LMX1B: variants seen among roughly 807,000 people sequenced by gnomAD.
LMX1B encodes the protein LIM homeobox transcription factor 1-beta.
In LMX1B, 12 loss-of-function variants were observed where a neutral mutation model predicts 51.4. The ratio of observed to expected loss-of-function variants is 0.23; its 90% CI spans 0.15 to 0.38. LMX1B has a LOEUF of 0.38. Ranked by LOEUF, LMX1B falls within the 10% of genes least tolerant of loss-of-function variation. The pLI is 1.00. For synonymous variants in LMX1B, 237 were observed against 235.4 expected, an observed-to-expected ratio of 1.01 and a Z score of -0.06; for missense variants, 445 against 571.1, an observed-to-expected ratio of 0.78 and a Z score of 2.25.
chr9:126,614,118 A>ACCGCCG lies in LMX1B; in HGVS notation c.-323_-318dup, dbSNP rs1168514307. ...CCCGCCTGCCGCCGCCGCCACCGCC[A>ACCGCCG]CCGCCGCCGCCGCCTCCTCCCCGCG... On this transcript the variant is annotated 5_prime_UTR_variant, in exon 1 of 8. Transcript: ENST00000373474. Among the ~76,000 whole-genome samples, 2 of 97,888 alleles carry ACCGCCG rather than the reference A, an allele frequency of 2.0e-5. No individual in the cohort carries two copies. Among genetic ancestry groups the ACCGCCG allele is most frequent in the South Asian group, 3.6e-4 (1 of 2,758 alleles). The allele number at this position is 97,888 out of a possible 152,430, so 64.2% of individuals were successfully genotyped here. A position where few individuals can be genotyped will look rare whatever the true frequency, so the allele number is the denominator to read the frequency against.
intron 2 of LMX1B, among the ~76,000 whole-genome samples, chr9:126,656,383 T>TTAGATAGATAGATAGA (rs3052900): frequency 1.7e-4 from 25 of 143,972 alleles, no homozygotes; most frequent in East Asian, 4.2e-4. Context: ...GATCTGGTCT[T>TTAGATAGATAGATAGA]TAGATAGATA....
At chr9:126,683,316 CG>C (rs955867817) in intron 2 of LMX1B, among the ~76,000 whole-genome samples, 92 of 151,956 alleles carry the variant, frequency 6.1e-4, no homozygotes, top group African/African-American at 2.1e-3. Flanking sequence ...GCCCGGCCCG[CG>C]GCCGCCGCAT....
chr9:126,630,616 G>A (rs983493061), intron 2 of LMX1B, among the ~76,000 whole-genome samples: 1 of 152,184 alleles, frequency 6.6e-6, no homozygotes, highest in Admixed American at 6.5e-5. Flanking sequence ...TCTTTGGGGC[G>A]GTGCCTCTCA....
rs770215617 is a variant in LMX1B, at chr9:126,696,275, C to T, written c.1052-19C>T. 2.0e-5 allele frequency: 33 copies of T among 1,613,398 alleles called. No individual in the cohort carries two copies. The highest frequency in any genetic ancestry group is 2.8e-5 in the Non-Finnish European group (33 of 1,179,500). ...GCCCCAGCCTGTACCCCGGTCCTGA[C>T]ACCCCTTCTGCCCCCCAGGGAACGA... is the stretch of plus-strand genomic sequence containing the variant. On this transcript the variant is annotated intron_variant, in intron 7 of 7. Coordinates refer to ENST00000373474, the MANE Select transcript of LMX1B (RefSeq NM_001174147.2).
chr9:126,624,643 A>C (rs1263981901), intron 2 of LMX1B, among the ~76,000 whole-genome samples: 1 of 145,664 alleles, frequency 6.9e-6, no homozygotes, highest in Non-Finnish European at 1.5e-5. Flanking sequence ...GAGGGCGGCG[A>C]GTGGCAGGTT....
chr9:126,651,144 T>C (rs1564155163), intron 2 of LMX1B, among the ~76,000 whole-genome samples: 1 of 151,722 alleles, frequency 6.6e-6, no homozygotes, highest in African/African-American at 2.4e-5. Context: ...TCTCTCTCTC[T>C]CCCTCCCCAT....
intron 2 of LMX1B, among the ~76,000 whole-genome samples, chr9:126,630,785 G>A (rs1247703484): frequency 3.3e-5 from 5 of 152,260 alleles, no homozygotes; most frequent in Middle Eastern, 3.2e-3. Flanking sequence ...GGGTGGGGCC[G>A]GCCAGGGTCT....
At chr9:126,646,635 A>G (rs1178868685) in intron 2 of LMX1B, among the ~76,000 whole-genome samples, 4 of 152,192 alleles carry the variant, frequency 2.6e-5, no homozygotes, top group Non-Finnish European at 4.4e-5. Flanking sequence ...CCCCTGTAAG[A>G]TGAGCCCCTC....
At chr9:126,687,800 C>T (rs1249724311) in intron 2 of LMX1B, among the ~76,000 whole-genome samples, 2 of 152,182 alleles carry the variant, frequency 1.3e-5, no homozygotes, top group Non-Finnish European at 2.9e-5. Flanking sequence ...CCATGTGATT[C>T]CAATGCCACC....
At chr9:126,629,035 G>C (rs1354466550) in intron 2 of LMX1B, among the ~76,000 whole-genome samples, 1 of 151,694 alleles carries the variant, frequency 6.6e-6, no homozygotes, top group African/African-American at 2.4e-5. Flanking sequence ...ATAGCAGTAT[G>C]TAAGGAAAAT....
intron 2 of LMX1B, among the ~76,000 whole-genome samples, chr9:126,655,943 G>T (rs1363323645): frequency 6.6e-6 from 1 of 152,168 alleles, no homozygotes; most frequent in African/African-American, 2.4e-5. Flanking sequence ...AAGAGGAGGC[G>T]AAGAGTCAGT....
At chr9:126,687,724 C>T (rs1221196522) in intron 2 of LMX1B, among the ~76,000 whole-genome samples, 2 of 152,120 alleles carry the variant, frequency 1.3e-5, no homozygotes, top group Non-Finnish European at 2.9e-5. Flanking sequence ...AGCTGAGGCT[C>T]GAGAAGAAAA....
intron 2 of LMX1B, among the ~76,000 whole-genome samples, chr9:126,666,565 TTG>T (rs1836344528): frequency 8.6e-6 from 1 of 115,812 alleles, no homozygotes; most frequent in African/African-American, 3.4e-5. Context: ...GAAAAACAGG[TTG>T]TTAATAGCAA....
chr9:126,620,467 C>T (rs948563334), intron 2 of LMX1B, among the ~76,000 whole-genome samples: 2 of 152,104 alleles, frequency 1.3e-5, no homozygotes, highest in Admixed American at 6.5e-5. Flanking sequence ...TTCCATTCTC[C>T]GGGGGATCCA....
chr9:126,682,083 CTTTTT>C lies in LMX1B; in HGVS notation c.327-8732_327-8728del, dbSNP rs71377953. Among the ~76,000 whole-genome samples, 100 of 53,378 alleles carry C rather than the reference CTTTTT, an allele frequency of 1.9e-3. 1 individual carries two copies. The highest frequency in any genetic ancestry group is 6.0e-3 in the African/African-American group (70 of 11,758). The allele number at this position is 53,378 out of a possible 152,430, so 35.0% of individuals were successfully genotyped here. A position where few individuals can be genotyped will look rare whatever the true frequency, so the allele number is the denominator to read the frequency against. Reference sequence around the variant, plus strand: ...CTTGCAGATACTTGGTCCCCAGGGTCTTTTTTTTTTTTTTTTTTTTTTTTTATAGA... The same window carrying C: ...CTTGCAGATACTTGGTCCCCAGGGTCTTTTTTTTTTTTTTTTTTTTATAGA... On this transcript the variant is annotated intron_variant, in intron 2 of 7. Coordinates refer to ENST00000373474, the MANE Select transcript of LMX1B (RefSeq NM_001174147.2).
intron 2 of LMX1B, among the ~76,000 whole-genome samples, chr9:126,646,330 A>G (rs1171937169): frequency 9.8e-6 from 1 of 101,752 alleles, no homozygotes; most frequent in Non-Finnish European, 1.8e-5. Context: ...CCATCCATCT[A>G]CCTACCCATC....
At chr9:126,691,111 G>T (rs751518716) in intron 3 of LMX1B, 43 bp downstream of exon 3, 4 of 1,501,406 alleles carry the variant, frequency 2.7e-6, no homozygotes, top group East Asian at 2.4e-5. Context: ...AGGGACGGGG[G>T]TTGCTGGGGT....
chr9:126,652,388 G>A (rs1836035663), intron 2 of LMX1B, among the ~76,000 whole-genome samples: 1 of 152,212 alleles, frequency 6.6e-6, no homozygotes, highest in Non-Finnish European at 1.5e-5. Flanking sequence ...CTTATCAGCT[G>A]GGGGTTTGTT....
chr9:126,691,188 G>A, intron 3 of LMX1B, 120 bp downstream of exon 3: 1 of 701,292 alleles, frequency 1.4e-6, no homozygotes, highest in Non-Finnish European at 2.5e-6. Context: ...GCACACAGAT[G>A]GTACATGCAT....
Sources: gnomAD v4.1 joint callset for allele counts (sites outside exome capture counted in the v4.1 genomes callset) on GRCh38, gnomAD v4.1.1 for gene constraint, MANE v1.5 for transcripts, NCBI Gene and HGNC (gene_info 2026-07-23, HGNC 2026-07-21) for gene names.